Variants in SAFB observed in about 807,000 individuals in gnomAD.
SAFB encodes the protein scaffold attachment factor B1.
A neutral mutation model predicts 101.6 loss-of-function variants in SAFB; 15 were observed. The observed-to-expected ratio is 0.15, with a 90% CI of 0.10 to 0.23. SAFB has a LOEUF of 0.23. Among genes scored for constraint, SAFB ranks in the 10% least tolerant of loss-of-function variants. The pLI, the probability that SAFB is intolerant of heterozygous loss-of-function variation, is 1.00. For missense variants in SAFB, 930 were observed against 1,104.1 expected (o/e 0.84, Z 2.23); for synonymous variants, 449 against 407.5 (o/e 1.10, Z -1.23).
At chr19:5,633,773 C>G (rs1443828586) in intron 2 of SAFB, among the ~76,000 whole-genome samples, 2 of 149,846 alleles carry the variant, frequency 1.3e-5, no homozygotes, top group African/African-American at 4.9e-5. Flanking sequence ...AGCGAGACTC[C>G]GTCTCAAAAA....
intron 14 of SAFB, among the ~76,000 whole-genome samples, chr19:5,658,609 C>T (rs2054119418): frequency 1.4e-5 from 2 of 143,420 alleles, no homozygotes; most frequent in African/African-American, 2.6e-5. Context: ...GGAGGCCGAC[C>T]GAGGCTGGCG....
chr19:5,640,922 TTTTG>T (rs1433647155), intron 2 of SAFB, among the ~76,000 whole-genome samples: 1 of 146,674 alleles, frequency 6.8e-6, no homozygotes, highest in Non-Finnish European at 1.5e-5. Flanking sequence ...TATGTGGGTT[TTTTG>T]TTTTTCTTTT....
Position 5,661,533 on chromosome 19 carries a change from C to T in SAFB, c.1878C>T (p.Arg626=). 2 of 1,612,846 alleles carry T rather than the reference C, an allele frequency of 1.2e-6. No homozygotes were observed. Among genetic ancestry groups the T allele is most frequent in the Non-Finnish European group, 1.7e-6 (2 of 1,179,802 alleles). The change falls in exon 15 of 21, where the codon CGC becomes CGT. Residue 626 remains arginine, a synonymous_variant. Coordinates refer to ENST00000588852, the MANE Select transcript of SAFB (RefSeq NM_001201338.2). ...DSESHSRVRE[R]SEREQRMQAQ... is the part of the protein sequence containing the mutation. ...TGTTGTGCAGCAGGGTGCGTGAACG[C>T]AGTGAACGCGAACAACGCATGCAGG...
At chr19:5,628,424 A>C (rs1177405286) in intron 2 of SAFB, among the ~76,000 whole-genome samples, 2 of 152,210 alleles carry the variant, frequency 1.3e-5, no homozygotes, top group Non-Finnish European at 2.9e-5. Flanking sequence ...AATCTAAACA[A>C]GAAATTTGTT....
chr19:5,630,120 A>T (rs1378260485), intron 2 of SAFB, among the ~76,000 whole-genome samples: 2 of 152,226 alleles, frequency 1.3e-5, no homozygotes, highest in East Asian at 3.8e-4. Context: ...CACTAAACTC[A>T]ACATCAAACT....
intron 1 of SAFB, among the ~76,000 whole-genome samples, chr19:5,625,690 G>A (rs866903155): frequency 5.9e-5 from 9 of 152,214 alleles, no homozygotes; most frequent in Admixed American, 6.5e-5. Context: ...CTGAGGATGG[G>A]CATAGTTGAA....
chr19:5,650,603 G>T (rs1423847381), intron 8 of SAFB, among the ~76,000 whole-genome samples: 1 of 152,072 alleles, frequency 6.6e-6, no homozygotes, highest in South Asian at 2.1e-4. Context: ...AGTAGACATG[G>T]GGTTTCACCA....
rs748217174 is a variant in SAFB at position 5,657,269 on chromosome 19, C to T, written c.1784C>T (p.Ala595Val). The change falls in exon 14 of 21, where the codon GCC becomes GTC. Residue 595 changes from alanine (A) to valine (V), a missense_variant. By Grantham distance (64) the Ala-to-Val change is moderately conservative. Around this residue, in one of 7 missense-constraint regions of SAFB, gnomAD observed 159 missense variants for 234.1 expected, o/e 0.68. Coordinates refer to ENST00000588852, the MANE Select transcript of SAFB (RefSeq NM_001201338.2). ...RASKSQDRKS[A>V]SREKRSVVSF... The stretch of plus-strand genomic sequence containing the variant: ...TCCAAAAGCCAGGATCGCAAATCAG[C>T]CAGCAGAGAGAAGCGGTCCGTCGTG... 1.9e-6 allele frequency: 3 copies of T among 1,613,986 alleles called. No individual in the cohort carries two copies. Among genetic ancestry groups the T allele is most frequent in the Admixed American group, 3.3e-5 (2 of 60,006 alleles).
intron 5 of SAFB, among the ~76,000 whole-genome samples, chr19:5,647,701 A>G (rs2053854118): frequency 6.6e-6 from 1 of 152,208 alleles, no homozygotes; most frequent in Non-Finnish European, 1.5e-5. Flanking sequence ...TAACAGTAGA[A>G]AAATGAAAAC....
rs1218426119 is a variant in SAFB at position 5,645,345 on chromosome 19, C to T, written c.555C>T (p.Asp185=). ...CTCCATTTATTTTACAGATAGAGGA[C>T]AAAGAAACTATAAACAATTTAGATA... ...PEQLQEHAIE[D]KETINNLDTS... Residue 185 remains aspartate (D), a synonymous_variant, in exon 5 of 21, where the codon GAC becomes GAT. Coordinates refer to ENST00000588852, the MANE Select transcript of SAFB (RefSeq NM_001201338.2). 1.5e-6 allele frequency: 2 copies of T among 1,291,014 alleles called. No homozygotes were observed. The highest frequency in any genetic ancestry group is 2.3e-6 in the Non-Finnish European group (2 of 887,252). The allele number at this position is 1,291,014 out of a possible 1,614,324, so 80.0% of individuals were successfully genotyped here. A position where few individuals can be genotyped will look rare whatever the true frequency, so the allele number is the denominator to read the frequency against.
intron 8 of SAFB, 37 bp downstream of exon 8, chr19:5,650,012 G>GTAT: frequency 6.5e-7 from 1 of 1,540,622 alleles, no homozygotes; most frequent in Non-Finnish European, 9.0e-7. Context: ...CTTGGAGCAT[G>GTAT]TATGGCCTGG....
chr19:5,625,589 C>A (rs1208305153), intron 1 of SAFB, among the ~76,000 whole-genome samples: 2 of 152,192 alleles, frequency 1.3e-5, no homozygotes, highest in African/African-American at 4.8e-5. Flanking sequence ...GAAAAGTTAT[C>A]AGTAAAACTT....
chr19:5,640,763 G>T (rs1191268262), intron 2 of SAFB, among the ~76,000 whole-genome samples: 1 of 151,838 alleles, frequency 6.6e-6, no homozygotes, highest in Non-Finnish European at 1.5e-5. Flanking sequence ...CTAGTTTTTT[G>T]TATTTTTAGT....
In SAFB at chr19:5,642,651, CTTTTTTTTT is replaced by C. The variant is rs767488519; in HGVS notation, c.546+723_546+731del. Among the ~76,000 whole-genome samples the C allele has an allele frequency of 3.2e-3, 230 of 70,870 alleles. 3 individuals are homozygous for C. The South Asian group carries it at 0.065, about 20-fold the overall frequency. The allele number at this position is 70,870 out of a possible 152,430, so 46.5% of individuals were successfully genotyped here. A position where few individuals can be genotyped will look rare whatever the true frequency, so the allele number is the denominator to read the frequency against. Reference sequence around the variant, plus strand: ...GGCATTGGCATTATGCCCTTCCTTTCTTTTTTTTTTTTTTTTTTTTTTTTTTCTGAGACA... The same window carrying C: ...GGCATTGGCATTATGCCCTTCCTTTCTTTTTTTTTTTTTTTTTCTGAGACA... On this transcript the variant is annotated intron_variant, in intron 4 of 20. Coordinates refer to ENST00000588852, the MANE Select transcript of SAFB (RefSeq NM_001201338.2).
At chr19:5,653,841 T>A (rs1056202753) in intron 11 of SAFB, among the ~76,000 whole-genome samples, 2 of 151,952 alleles carry the variant, frequency 1.3e-5, no homozygotes, top group Non-Finnish European at 2.9e-5. Context: ...TCATTGAACC[T>A]CCACCTCCCT....
intron 17 of SAFB, chr19:5,664,806 C>T: frequency 3.7e-6 from 1 of 270,272 alleles, no homozygotes. Flanking sequence ...GCTGTGGTTG[C>T]TGTGTCTGTC....
At chr19:5,654,805 G>T (rs2054017660) in intron 13 of SAFB, among the ~76,000 whole-genome samples, 1 of 152,166 alleles carries the variant, frequency 6.6e-6, no homozygotes, top group East Asian at 1.9e-4. Flanking sequence ...CACCTCAGGT[G>T]ATCCGCCCGC....
At chr19:5,623,892 G>T (rs1289910715) in intron 1 of SAFB, 2 of 153,382 alleles carry the variant, frequency 1.3e-5, no homozygotes, top group African/African-American at 4.8e-5. Context: ...AATCGGGGCT[G>T]ATTTACAAAG....
At chr19:5,625,102 G>T (rs1191465251) in intron 1 of SAFB, among the ~76,000 whole-genome samples, 3 of 152,058 alleles carry the variant, frequency 2.0e-5, no homozygotes, top group African/African-American at 7.3e-5. Flanking sequence ...TCAAGATGTG[G>T]TCCCAAAACA....
Sources: allele counts gnomAD v4.1 joint callset (sites outside exome capture counted in the v4.1 genomes callset), GRCh38; gene constraint gnomAD v4.1.1; regional missense constraint gnomAD v4.1.1; transcripts MANE v1.5; gene names NCBI Gene and HGNC (gene_info 2026-07-23, HGNC 2026-07-21).